Variants in CPSF3 observed in about 807,000 individuals in gnomAD.
The protein encoded by CPSF3 is cleavage and polyadenylation specific factor 3, also known as cleavage and polyadenylation specificity factor subunit 3.
A neutral mutation model predicts 84.1 loss-of-function variants in CPSF3; 57 were observed. That is an observed-to-expected ratio of 0.68 (90% CI 0.55 to 0.85). The LOEUF is 0.85. CPSF3 is among the 40% of genes least tolerant of loss of function. The pLI, the probability that CPSF3 is intolerant of heterozygous loss-of-function variation, is 0.00. For synonymous variants in CPSF3, 275 were observed against 278.1 expected, an observed-to-expected ratio of 0.99 and a Z score of 0.11; for missense variants, 522 against 838.8, an observed-to-expected ratio of 0.62 and a Z score of 4.66.
intron 7 of CPSF3, among the ~76,000 whole-genome samples, chr2:9,439,958 G>A (rs890450363): frequency 7.2e-5 from 11 of 152,114 alleles, no homozygotes; most frequent in South Asian, 4.1e-4. Flanking sequence ...AAGGCTAGTC[G>A]ACAGCCTGGG....
At chr2:9,443,479 G>A (rs909680577) in intron 9 of CPSF3, 36 bp from the exon 10 acceptor site, 13 of 1,586,904 alleles carry the variant, frequency 8.2e-6, no homozygotes, top group Admixed American at 1.8e-5. Context: ...TTATAACTGG[G>A]TAGTTTGTTT....
chr2:9,453,452 G>C (rs1000558547), intron 12 of CPSF3, among the ~76,000 whole-genome samples: 2 of 152,096 alleles, frequency 1.3e-5, no homozygotes, highest in Admixed American at 6.6e-5. Context: ...ACAAAAACTT[G>C]TATAATTTCT....
intron 7 of CPSF3, among the ~76,000 whole-genome samples, chr2:9,436,774 A>AAAAAAAAAAATAAAAAAT (rs139337028): frequency 4.2e-5 from 6 of 143,036 alleles, no homozygotes; most frequent in Admixed American, 3.5e-4. Context: ...CCATCTCAAA[A>AAAAAAAAAAATAAAAAAT]AATAATAATA....
At chr2:9,457,771 G>C (rs1392218218) in intron 14 of CPSF3, among the ~76,000 whole-genome samples, 3 of 147,762 alleles carry the variant, frequency 2.0e-5, no homozygotes, top group Non-Finnish European at 4.5e-5. Context: ...TTCTTTTTTT[G>C]AGACAGAGTC....
intron 15 of CPSF3, among the ~76,000 whole-genome samples, chr2:9,461,776 C>G (rs1378522191): frequency 1.1e-5 from 1 of 95,200 alleles, no homozygotes; most frequent in South Asian, 3.4e-4. Flanking sequence ...TTAAATTTAT[C>G]TAGAGATGGA....
chr2:9,426,762 A>G (rs905237840), intron 1 of CPSF3, among the ~76,000 whole-genome samples: 1 of 151,892 alleles, frequency 6.6e-6, no homozygotes, highest in African/African-American at 2.4e-5. Context: ...CTGCCAAGAG[A>G]ACAAGATAGG....
chr2:9,460,856 C>T (rs1367218250), intron 15 of CPSF3, among the ~76,000 whole-genome samples: 1 of 152,016 alleles, frequency 6.6e-6, no homozygotes, highest in Non-Finnish European at 1.5e-5. Flanking sequence ...TGGAGTAGTC[C>T]TGTGTGCTGT....
intron 2 of CPSF3, 93 bp from the exon 3 acceptor site, chr2:9,429,830 T>C (rs1447850335): frequency 3.7e-6 from 3 of 803,630 alleles, no homozygotes; most frequent in Non-Finnish European, 6.2e-6. Flanking sequence ...ATCTTGAGTA[T>C]ATGGGTGATG....
intron 1 of CPSF3, among the ~76,000 whole-genome samples, chr2:9,428,379 A>C (rs920013203): frequency 5.3e-5 from 8 of 152,202 alleles, no homozygotes; most frequent in African/African-American, 1.9e-4. Context: ...CTTTCTACTT[A>C]AGTGCTAATT....
chr2:9,472,006 CAAAA>C (rs35342941), intron 17 of CPSF3, among the ~76,000 whole-genome samples: 6 of 97,184 alleles, frequency 6.2e-5, no homozygotes, highest in South Asian at 7.6e-4. Context: ...ACTCTGTCTC[CAAAA>C]AAAAAAAAAA....
chr2:9,453,646 A>G (rs966287762), intron 12 of CPSF3, among the ~76,000 whole-genome samples: 11 of 152,232 alleles, frequency 7.2e-5, no homozygotes, highest in African/African-American at 2.7e-4. Context: ...TAATCCCAGC[A>G]CTTTGAGAAG....
chr2:9,471,225 GAA>G (rs1682151172), intron 16 of CPSF3, 116 bp from the exon 17 acceptor site: 1 of 596,104 alleles, frequency 1.7e-6, no homozygotes, highest in Non-Finnish European at 3.0e-6. Flanking sequence ...AAAAAAAAAA[GAA>G]AAAAAGTAAA....
chr2:9,440,796 A>G, intron 8 of CPSF3, 130 bp downstream of exon 8: 1 of 843,026 alleles, frequency 1.2e-6, no homozygotes. Context: ...CAGGAGGATC[A>G]CTAGAACTCA....
In CPSF3 at chr2:9,432,518, T is replaced by G. The variant is rs1208797138; in HGVS notation, c.349T>G (p.Ser117Ala). The change falls in exon 5 of 18, where the codon TCA (serine) becomes GCA (alanine). Residue 117 changes from serine (S) to alanine (A), a missense_variant. Transcript: ENST00000238112. ...LSDYVKVSNI[S>A]ADDMLYTETD... ...GCATCTTTCAAAATTTAGTAACATA[T>G]CAGCAGACGACATGCTGTATACCGA... The G allele has an allele frequency of 6.7e-7, 1 of 1,498,630 alleles. No homozygotes were observed. The highest frequency in any genetic ancestry group is 9.1e-7 in the Non-Finnish European group (1 of 1,104,420). The allele number at this position is 1,498,630 out of a possible 1,614,324, so 92.8% of individuals were successfully genotyped here.
At chr2:9,435,288 G>A (rs1680734331) in intron 6 of CPSF3, among the ~76,000 whole-genome samples, 1 of 152,160 alleles carries the variant, frequency 6.6e-6, no homozygotes, top group South Asian at 2.1e-4. Context: ...TATTTTAAAA[G>A]CTTTGACTTA....
At chr2:9,440,939 G>A (rs900642212) in intron 8 of CPSF3, among the ~76,000 whole-genome samples, 2 of 152,226 alleles carry the variant, frequency 1.3e-5, no homozygotes, top group African/African-American at 4.8e-5. Context: ...CTCAACAGGT[G>A]TCGTTTTTCT....
At chr2:9,455,263 G>A (rs1389118906) in intron 12 of CPSF3, among the ~76,000 whole-genome samples, 1 of 152,068 alleles carries the variant, frequency 6.6e-6, no homozygotes, top group Admixed American at 6.6e-5. Context: ...AGCCTCCCGA[G>A]TAGCTAGGAC....
At chr2:9,431,784 C>A (rs1680599241) in intron 4 of CPSF3, among the ~76,000 whole-genome samples, 1 of 151,968 alleles carries the variant, frequency 6.6e-6, no homozygotes, top group Non-Finnish European at 1.5e-5. Flanking sequence ...CTCCTGACCT[C>A]AGGTGATCTG....
chr2:9,456,370 T>C (rs994503097), intron 13 of CPSF3, among the ~76,000 whole-genome samples: 8 of 152,252 alleles, frequency 5.3e-5, no homozygotes, highest in Non-Finnish European at 8.8e-5. Context: ...AGTAACGCTC[T>C]TCATGACTCA....
Sources: gnomAD v4.1 joint callset for allele counts (sites outside exome capture counted in the v4.1 genomes callset) on GRCh38, gnomAD v4.1.1 for gene constraint, MANE v1.5 for transcripts, NCBI Gene and HGNC (gene_info 2026-07-23, HGNC 2026-07-21) for gene names.